Variants in ZNF536 observed in about 807,000 individuals in gnomAD.
The protein encoded by ZNF536 is zinc finger protein 536.
In ZNF536, 13 loss-of-function variants were observed where a neutral mutation model predicts 84.5. The observed-to-expected ratio is 0.15, with a 90% CI of 0.10 to 0.24. The LOEUF (loss-of-function observed/expected upper bound fraction) is 0.24. Ranked by LOEUF, ZNF536 falls within the 10% of genes least tolerant of loss-of-function variation. The pLI is 1.00. For missense variants in ZNF536, 1,536 were observed against 1,747.5 expected (o/e 0.88, Z 2.16); for synonymous variants, 811 against 742.5 (o/e 1.09, Z -1.50).
intron 1 of ZNF536, chr19:30,436,520 T>C (rs2051755974): frequency 3.0e-6 from 3 of 985,068 alleles, no homozygotes; most frequent in Middle Eastern, 5.2e-4. Flanking sequence ...TAGGCCAAAA[T>C]GTAAGCATGA....
rs397959066 is a variant in ZNF536, at chr19:30,228,580, A to AT, written c.-271dup. ...GTCCGGAGTCCATTTGCATAATTGGATTTTTTTTTTTTGCCTCCTTCTTTC... is the reference window on the plus strand; with the variant it reads ...GTCCGGAGTCCATTTGCATAATTGGATTTTTTTTTTTTTGCCTCCTTCTTTC... On this transcript the variant is annotated 5_prime_UTR_variant, in exon 1 of 6. Coordinates refer to the ZNF536 transcript ENST00000585628. This position sits in a 1 kb window ranked among gnomAD's most constrained non-coding sequence, Gnocchi z 4.5. 0.15 allele frequency: 21,696 copies of AT among 145,488 alleles called. 1,914 individuals are homozygous for AT. The highest frequency in any genetic ancestry group is 0.25 in the African/African-American group (9,837 of 40,008). The allele number at this position is 145,488 out of a possible 1,614,324, so 9.0% of individuals were successfully genotyped here.
At chr19:30,374,084 G>C (rs2048715093) in intron 1 of ZNF536, among the ~76,000 whole-genome samples, 1 of 152,260 alleles carries the variant, frequency 6.6e-6, no homozygotes, top group Admixed American at 6.5e-5. Flanking sequence ...TATAGGTATG[G>C]GCATTATTTC....
intron 1 of ZNF536, among the ~76,000 whole-genome samples, chr19:30,264,964 T>TGAGAGA (rs1168287035): frequency 0.042 from 2,865 of 67,962 alleles, 71 homozygotes; most frequent in African/African-American, 0.16. Context: ...TGTGTGTGTG[T>TGAGAGA]GTGAGAGAGA....
At chr19:30,628,708 T>TTTA (rs2048781043) in intron 1 of ZNF536, among the ~76,000 whole-genome samples, 1 of 152,044 alleles carries the variant, frequency 6.6e-6, no homozygotes, top group Non-Finnish European at 1.5e-5. Flanking sequence ...TATTTATTTA[T>TTTA]TTTTTTGTTT....
At chr19:30,286,230 T>C (rs2045620568) in intron 2 of ZNF536, among the ~76,000 whole-genome samples, 1 of 152,204 alleles carries the variant, frequency 6.6e-6, no homozygotes, top group African/African-American at 2.4e-5. Flanking sequence ...GACATTATTG[T>C]AGTGCGGGCG....
At chr19:30,344,476 C>T (rs2047677411) in intron 2 of ZNF536, among the ~76,000 whole-genome samples, 1 of 145,678 alleles carries the variant, frequency 6.9e-6, no homozygotes, top group African/African-American at 2.5e-5. Context: ...AGGATGCTGT[C>T]ACCCATATCT....
chr19:30,318,452 G>A (rs143783668), intron 2 of ZNF536, among the ~76,000 whole-genome samples: 2 of 152,376 alleles, frequency 1.3e-5, no homozygotes, highest in African/African-American at 4.8e-5. Context: ...AATTAGAGTA[G>A]TTTTAAATAT....
chr19:30,477,586 T>C (rs1379630571), intron 2 of ZNF536, among the ~76,000 whole-genome samples: 1 of 152,190 alleles, frequency 6.6e-6, no homozygotes, highest in African/African-American at 2.4e-5. Context: ...GTTGGTTCCT[T>C]CTACTTTTTA....
intron 2 of ZNF536, among the ~76,000 whole-genome samples, chr19:30,293,457 G>T (rs2045904630): frequency 6.6e-6 from 1 of 152,168 alleles, no homozygotes; most frequent in Non-Finnish European, 1.5e-5. Context: ...GGCTGGTCTT[G>T]CGTCTATCTC....
At chr19:30,681,408 G>A (rs959185033) in intron 1 of ZNF536, among the ~76,000 whole-genome samples, 5 of 152,188 alleles carry the variant, frequency 3.3e-5, no homozygotes, top group Non-Finnish European at 5.9e-5. Flanking sequence ...CATCACAGGG[G>A]GCTTCCTGGA....
intron 1 of ZNF536, among the ~76,000 whole-genome samples, chr19:30,231,019 TAG>T (rs2023000849): frequency 6.6e-6 from 1 of 151,056 alleles, no homozygotes; most frequent in African/African-American, 2.4e-5. Flanking sequence ...AGAAAGCAAA[TAG>T]ATTTATTTTT....
At chr19:30,505,671 T>A (rs1166225286) in intron 2 of ZNF536, among the ~76,000 whole-genome samples, 1 of 152,114 alleles carries the variant, frequency 6.6e-6, no homozygotes, top group Admixed American at 6.5e-5. Flanking sequence ...ATAGCATAAG[T>A]CTGTATGTTT....
intron 1 of ZNF536, among the ~76,000 whole-genome samples, chr19:30,276,118 C>T (rs78109117): frequency 0.011 from 1,620 of 151,742 alleles, 24 homozygotes; most frequent in African/African-American, 0.038. Flanking sequence ...TGCAGGGAGC[C>T]GACTGGAGCT....
chr19:30,374,193 T>C (rs539108062), intron 1 of ZNF536, among the ~76,000 whole-genome samples: 1 of 152,290 alleles, frequency 6.6e-6, no homozygotes, highest in Non-Finnish European at 1.5e-5. Flanking sequence ...GAAAGAGTTT[T>C]TTTTTCAATA....
chr19:30,428,953 G>C (rs995099179), intron 1 of ZNF536, among the ~76,000 whole-genome samples: 1 of 152,198 alleles, frequency 6.6e-6, no homozygotes, highest in African/African-American at 2.4e-5. Context: ...AGAGAGAGGG[G>C]CTGAGTTCAG....
rs576751088 is a variant in ZNF536 at position 30,377,390 on chromosome 19, C to T, written c.-3+4834C>T. Among the ~76,000 whole-genome samples, 9 of 152,170 alleles carry T rather than the reference C, an allele frequency of 5.9e-5. No homozygotes were observed. The South Asian group carries it at 1.5e-3, about 25-fold the overall frequency. On this transcript the variant is annotated intron_variant, in intron 1 of 4. Coordinates refer to ENST00000355537, the MANE Select transcript of ZNF536 (RefSeq NM_014717.3). ...TTCTGTGGTCGCCAGAATGATGTTA[C>T]GGGAAAGAGGTACCGATCCAGACCC... is the stretch of plus-strand genomic sequence containing the variant.
intron 3 of ZNF536, among the ~76,000 whole-genome samples, chr19:30,362,043 G>A (rs1406647898): frequency 1.3e-5 from 2 of 150,742 alleles, no homozygotes; most frequent in Admixed American, 6.6e-5. Context: ...ACTGTACTGC[G>A]GGTGTCTGTC....
At chr19:30,632,174 T>C (rs1213759201) in intron 1 of ZNF536, among the ~76,000 whole-genome samples, 1 of 152,238 alleles carries the variant, frequency 6.6e-6, no homozygotes, top group Non-Finnish European at 1.5e-5. Context: ...TGGGTTTTAG[T>C]AGCTCTGTGT....
chr19:30,247,899 C>T (rs1052409616), intron 1 of ZNF536, among the ~76,000 whole-genome samples: 1 of 152,188 alleles, frequency 6.6e-6, no homozygotes, highest in Non-Finnish European at 1.5e-5. Context: ...TTGGTTTTCT[C>T]CAGATTGTCT....
Sources: gnomAD v4.1 joint callset for allele counts (sites outside exome capture counted in the v4.1 genomes callset) on GRCh38, gnomAD v4.1.1 for gene constraint, Gnocchi (gnomAD v3.1) non-coding constraint, MANE v1.5 for transcripts, NCBI Gene and HGNC (gene_info 2026-07-23, HGNC 2026-07-21) for gene names.